Variants in WDR93 observed in about 807,000 individuals in gnomAD.
The protein encoded by WDR93 is WD repeat domain 93.
WDR93 carries 73 observed loss-of-function variants against 82.9 expected under a neutral mutation model. The observed-to-expected ratio is 0.88, with a 90% CI of 0.73 to 1.07. WDR93 has a LOEUF of 1.07. Among genes scored for constraint, WDR93 ranks in the 50% least tolerant of loss-of-function variants. The pLI, the probability that WDR93 is intolerant of heterozygous loss-of-function variation, is 0.00. For synonymous variants in WDR93, 283 were observed against 300.1 expected, an observed-to-expected ratio of 0.94 and a Z score of 0.59; for missense variants, 738 against 826.0, an observed-to-expected ratio of 0.89 and a Z score of 1.31.
intron 4 of WDR93, among the ~76,000 whole-genome samples, chr15:89,711,253 C>T (rs2141624883): frequency 6.6e-6 from 1 of 152,290 alleles, no homozygotes; most frequent in African/African-American, 2.4e-5. Flanking sequence ...GAGATGCAAT[C>T]AATCCAGTTC....
intron 8 of WDR93, among the ~76,000 whole-genome samples, chr15:89,725,533 C>T (rs1167499741): frequency 1.3e-5 from 2 of 150,682 alleles, no homozygotes; most frequent in East Asian, 3.9e-4. Context: ...AGTGAGATGG[C>T]AATGTTCTAT....
chr15:89,727,448 CG>C (rs2141678761), intron 9 of WDR93, 120 bp downstream of exon 9: 1 of 1,157,318 alleles, frequency 8.6e-7, no homozygotes, highest in East Asian at 2.6e-5. Context: ...TTTCTGGGGC[CG>C]GGACAGTGGC....
chr15:89,704,385 A>C (rs1314000999), intron 3 of WDR93: 4 of 152,346 alleles, frequency 2.6e-5, no homozygotes, highest in Non-Finnish European at 5.9e-5. Flanking sequence ...CATTAGGGGA[A>C]GCAAGACAAG....
intron 13 of WDR93, among the ~76,000 whole-genome samples, 164 bp downstream of exon 13, chr15:89,733,383 AT>A (rs1415281279): frequency 6.6e-6 from 1 of 152,092 alleles, no homozygotes; most frequent in Non-Finnish European, 1.5e-5. Flanking sequence ...ATATGTTACA[AT>A]TTTTTCTAAC....
intron 5 of WDR93, among the ~76,000 whole-genome samples, chr15:89,712,895 C>T (rs1051486098): frequency 1.3e-5 from 2 of 152,070 alleles, no homozygotes; most frequent in African/African-American, 4.8e-5. Context: ...GAGGCCAAGG[C>T]AGGCGGATCA....
At chr15:89,712,709 C>G (rs1285125690) in intron 5 of WDR93, among the ~76,000 whole-genome samples, 1 of 152,144 alleles carries the variant, frequency 6.6e-6, no homozygotes, top group African/African-American at 2.4e-5. Flanking sequence ...TAATACTAAC[C>G]TTGATCACTT....
chr15:89,732,903 A>G (rs770826246), intron 12 of WDR93, 103 bp from the exon 13 acceptor site: 41 of 1,105,258 alleles, frequency 3.7e-5, no homozygotes, highest in Non-Finnish European at 5.6e-5. Flanking sequence ...TTTTGCCTTC[A>G]CATCCTACAA....
At chr15:89,726,023 G>T (rs1966724512) in intron 8 of WDR93, among the ~76,000 whole-genome samples, 1 of 152,180 alleles carries the variant, frequency 6.6e-6, no homozygotes, top group Non-Finnish European at 1.5e-5. Context: ...CAATGAAGAG[G>T]ATCTATAGTA....
intron 14 of WDR93, among the ~76,000 whole-genome samples, 177 bp downstream of exon 14, chr15:89,735,730 C>T (rs986755642): frequency 6.6e-6 from 1 of 152,218 alleles, no homozygotes; most frequent in African/African-American, 2.4e-5. Context: ...GCACACAGCT[C>T]ATTTGGGAAG....
intron 8 of WDR93, among the ~76,000 whole-genome samples, chr15:89,722,697 G>A (rs372377603): frequency 7.9e-5 from 12 of 152,072 alleles, no homozygotes; most frequent in African/African-American, 2.9e-4. Flanking sequence ...GGGACATTTG[G>A]GCACAGTTTC....
At position 89,702,988 on chromosome 15, in the gene WDR93, C is replaced by G. The variant is rs746752172; in HGVS notation, c.342C>G (p.Asp114Glu). ...KMPNCMAVSQ[D>E]YVFIGGAKGF... is the part of the protein sequence containing the mutation. ...CAAATTGTATGGCTGTTTCCCAAGA[C>G]TATGTGTTTATTGGAGGAGCCAAAG... The change falls in exon 3 of 17, where the codon GAC becomes GAG. Residue 114 changes from aspartate (D) to glutamate (E), a missense_variant. Physicochemically the swap from Asp to Glu is conservative, Grantham distance 45 (BLOSUM62 2). Coordinates refer to ENST00000268130, the MANE Select transcript of WDR93 (RefSeq NM_020212.2). 1.2e-6 allele frequency: 2 copies of G among 1,614,156 alleles called. No homozygotes were observed. The highest frequency in any genetic ancestry group is 1.7e-6 in the Non-Finnish European group (2 of 1,180,018).
At chr15:89,729,482 C>T (rs1173701148) in intron 10 of WDR93, among the ~76,000 whole-genome samples, 3 of 152,104 alleles carry the variant, frequency 2.0e-5, no homozygotes. Context: ...CGGGTGGGCC[C>T]CAGGAACAGC....
At chr15:89,697,029 C>A (rs543920818) in intron 1 of WDR93, among the ~76,000 whole-genome samples, 1 of 151,822 alleles carries the variant, frequency 6.6e-6, no homozygotes, top group East Asian at 2.0e-4. Flanking sequence ...AGTGCAGTGG[C>A]ATGATCACAG....
At chr15:89,710,367 C>G (rs533484765) in intron 4 of WDR93, among the ~76,000 whole-genome samples, 1 of 152,232 alleles carries the variant, frequency 6.6e-6, no homozygotes, top group Admixed American at 6.5e-5. Context: ...TTATATGAAA[C>G]TTAAGAACAG....
intron 4 of WDR93, among the ~76,000 whole-genome samples, chr15:89,708,513 T>G (rs1448835716): frequency 1.3e-5 from 2 of 152,154 alleles, no homozygotes; most frequent in African/African-American, 4.8e-5. Flanking sequence ...TGCCCACATC[T>G]GCACCATAAG....
chr15:89,736,987 T>C (rs913138078), intron 14 of WDR93, among the ~76,000 whole-genome samples: 4 of 152,094 alleles, frequency 2.6e-5, no homozygotes, highest in Non-Finnish European at 5.9e-5. Flanking sequence ...GAGACGAGGT[T>C]TCACCGTGTT....
intron 13 of WDR93, among the ~76,000 whole-genome samples, chr15:89,734,019 G>A (rs76999094): frequency 0.022 from 3,358 of 151,968 alleles, 57 homozygotes; most frequent in African/African-American, 0.049. Context: ...GTGTGCGCGC[G>A]CGCATGTGTG....
At chr15:89,703,350 C>T in intron 3 of WDR93, 1 of 587,718 alleles carries the variant, frequency 1.7e-6, no homozygotes, top group Non-Finnish European at 2.9e-6. Context: ...CTCATGGCAG[C>T]CTTAGGGGGG....
chr15:89,736,548 A>G (rs1239345562), intron 14 of WDR93, among the ~76,000 whole-genome samples: 1 of 152,038 alleles, frequency 6.6e-6, no homozygotes, highest in Non-Finnish European at 1.5e-5. Flanking sequence ...TCAGTTCACA[A>G]AGTGACCGTG....
Sources: gnomAD v4.1 joint callset for allele counts (sites outside exome capture counted in the v4.1 genomes callset) on GRCh38, gnomAD v4.1.1 for gene constraint, MANE v1.5 for transcripts, NCBI Gene and HGNC (gene_info 2026-07-23, HGNC 2026-07-21) for gene names.